Variants in CDC42SE2 observed in about 807,000 individuals in gnomAD.
CDC42SE2 encodes CDC42 small effector 2.
CDC42SE2 carries 3 observed loss-of-function variants against 11.5 expected under a neutral mutation model. That is an observed-to-expected ratio of 0.26 (90% confidence interval 0.12 to 0.67). CDC42SE2 has a LOEUF of 0.67. Ranked by LOEUF, CDC42SE2 falls within the 30% of genes least tolerant of loss-of-function variation. The pLI is 0.80. For missense variants in CDC42SE2, 82 were observed against 106.8 expected (o/e 0.77, Z 1.02); for synonymous variants, 33 against 34.8 (o/e 0.95, Z 0.18).
At chr5:131,320,687 G>A (rs2149733331) in intron 2 of CDC42SE2, among the ~76,000 whole-genome samples, 1 of 152,076 alleles carries the variant, frequency 6.6e-6, no homozygotes, top group South Asian at 2.1e-4. Flanking sequence ...GATGCAGTGA[G>A]CTGAGATTGC....
intron 1 of CDC42SE2, among the ~76,000 whole-genome samples, chr5:131,299,416 A>G (rs891768962): frequency 1.3e-5 from 2 of 152,134 alleles, no homozygotes. Flanking sequence ...CAAATAGAAC[A>G]TGGCCGTTTG....
chr5:131,333,391 C>G lies in CDC42SE2; in HGVS notation c.-286+17247C>G, dbSNP rs1350456489. Among the ~76,000 whole-genome samples the G allele has an allele frequency of 4.6e-5, 7 of 152,300 alleles. No individual in the cohort carries two copies. The East Asian group carries it at 1.2e-3, about 25-fold the overall frequency. ...GTAGCCTTGTAGTATAGTTTGAAGTCAGGTAGCATGATGCCTCCAGCTTTG... is the reference window on the plus strand; with the variant it reads ...GTAGCCTTGTAGTATAGTTTGAAGTGAGGTAGCATGATGCCTCCAGCTTTG... On this transcript the variant is annotated intron_variant, in intron 2 of 4. Coordinates refer to ENST00000505065, the MANE Select transcript of CDC42SE2 (RefSeq NM_001375635.1).
chr5:131,296,138 T>C (rs1757568028), intron 1 of CDC42SE2, among the ~76,000 whole-genome samples: 1 of 152,224 alleles, frequency 6.6e-6, no homozygotes, highest in African/African-American at 2.4e-5. Context: ...CTAGCCTAGA[T>C]ACTGAATAAG....
At chr5:131,250,278 G>C (rs1756629484) in intron 1 of CDC42SE2, among the ~76,000 whole-genome samples, 1 of 152,072 alleles carries the variant, frequency 6.6e-6, no homozygotes, top group Non-Finnish European at 1.5e-5. Context: ...CATTTCAACA[G>C]AAAATATTAT....
chr5:131,243,423 A>G (rs767064035), upstream of CDC42SE2, among the ~76,000 whole-genome samples: 1 of 152,112 alleles, frequency 6.6e-6, no homozygotes, highest in Non-Finnish European at 1.5e-5. Context: ...CATCTCTACT[A>G]AAAATACAAA....
intron 2 of CDC42SE2, among the ~76,000 whole-genome samples, chr5:131,319,576 T>C (rs1188283148): frequency 2.6e-5 from 4 of 152,156 alleles, no homozygotes; most frequent in African/African-American, 9.7e-5. Context: ...TATAGCAGAA[T>C]CACCCAGGAC....
At chr5:131,250,338 T>C (rs1261854664) in intron 1 of CDC42SE2, among the ~76,000 whole-genome samples, 1 of 152,204 alleles carries the variant, frequency 6.6e-6, no homozygotes, top group Non-Finnish European at 1.5e-5. Flanking sequence ...TGTGAACTTA[T>C]ATTGACACAT....
chr5:131,238,925 AG>A, the CDC42SE2 span, among the ~76,000 whole-genome samples: 3 of 152,038 alleles, frequency 2.0e-5, no homozygotes, highest in African/African-American at 7.2e-5. Flanking sequence ...TGGGAGGCTG[AG>A]GCGGGTGGAT....
At chr5:131,359,584 C>T in intron 3 of CDC42SE2, 37 bp downstream of exon 3, 2 of 1,487,370 alleles carry the variant, frequency 1.3e-6, no homozygotes, top group South Asian at 1.1e-5. Flanking sequence ...AGGTGGGGTG[C>T]TTATTAAACT....
chr5:131,363,654 G>C (rs962403158), intron 3 of CDC42SE2, among the ~76,000 whole-genome samples: 2 of 148,916 alleles, frequency 1.3e-5, no homozygotes, highest in Non-Finnish European at 3.0e-5. Context: ...TGGGATTATA[G>C]CTGTGAGCCA....
At chr5:131,240,741 G>A (rs958239566), upstream of CDC42SE2, among the ~76,000 whole-genome samples, 4 of 152,148 alleles carry the variant, frequency 2.6e-5, no homozygotes, top group African/African-American at 9.7e-5. Flanking sequence ...AGGGCTTATG[G>A]TGAATTTGTC....
In CDC42SE2 at chr5:131,359,343, A is replaced by G. The variant is rs889847470; in HGVS notation, c.-151A>G. ...TTCTTTATTAAATCGACTGTGTAAG[A>G]TACTTGACTTCCAGGAACAAAAACA... is the stretch of plus-strand genomic sequence containing the variant. On this transcript the variant is annotated 5_prime_UTR_variant, in exon 3 of 5. Transcript: ENST00000505065. The G allele has an allele frequency of 1.5e-5, 11 of 716,850 alleles. No homozygotes were observed. The highest frequency in any genetic ancestry group is 4.8e-5 in the South Asian group (3 of 62,356). 44.4% of individuals were successfully genotyped at this position (716,850 alleles called of 1,614,324 possible).
chr5:131,350,093 A>G (rs566895823), intron 2 of CDC42SE2, among the ~76,000 whole-genome samples: 2 of 152,194 alleles, frequency 1.3e-5, no homozygotes. Flanking sequence ...AAAATCAAAT[A>G]TATTTGTTTA....
At chr5:131,388,420 T>C (rs1750553054) in intron 4 of CDC42SE2, among the ~76,000 whole-genome samples, 1 of 152,246 alleles carries the variant, frequency 6.6e-6, no homozygotes, top group Non-Finnish European at 1.5e-5. Context: ...ACATGCTGTT[T>C]ATTCAAATAA....
chr5:131,292,915 A>AAAAC (rs1757490554), intron 1 of CDC42SE2, among the ~76,000 whole-genome samples: 1 of 147,288 alleles, frequency 6.8e-6, no homozygotes, highest in African/African-American at 2.5e-5. Context: ...TCAAAAAAAA[A>AAAAC]AAAAAAAAAA....
upstream of CDC42SE2, among the ~76,000 whole-genome samples, chr5:131,244,604 G>A (rs1371986031): frequency 4.6e-5 from 7 of 152,102 alleles, no homozygotes; most frequent in African/African-American, 7.2e-5. Context: ...CCAGCTACTC[G>A]GGAGGTTGAG....
Position 131,356,948 on chromosome 5 carries a change from G to A in CDC42SE2, c.-285-2261G>A, listed in dbSNP as rs1224166575. Among the ~76,000 whole-genome samples, 3 of 152,164 alleles carry A rather than the reference G, an allele frequency of 2.0e-5. No homozygotes were observed. The East Asian group carries it at 5.8e-4, about 29-fold the overall frequency. ...TTTAATTTCACAAAGGCTTCTTAAT[G>A]GGCAAGATTTTTGATCCAGGGTGAA... On this transcript the variant is annotated intron_variant, in intron 2 of 4. Coordinates refer to ENST00000505065, the MANE Select transcript of CDC42SE2 (RefSeq NM_001375635.1).
chr5:131,326,653 CTTTG>C (rs1161936974), intron 2 of CDC42SE2, among the ~76,000 whole-genome samples: 1 of 152,038 alleles, frequency 6.6e-6, no homozygotes, highest in African/African-American at 2.4e-5. Flanking sequence ...TATATTGAGA[CTTTG>C]TTTGATGTGG....
chr5:131,275,285 A>G (rs1757077960), intron 1 of CDC42SE2, among the ~76,000 whole-genome samples: 1 of 150,670 alleles, frequency 6.6e-6, no homozygotes, highest in Admixed American at 6.6e-5. Context: ...TTCAATTTGG[A>G]CTATATTGTA....
Sources: allele counts gnomAD v4.1 joint callset (sites outside exome capture counted in the v4.1 genomes callset), GRCh38; gene constraint gnomAD v4.1.1; transcripts MANE v1.5; gene names NCBI Gene and HGNC (gene_info 2026-07-23, HGNC 2026-07-21).